CMIP: variants seen among roughly 807,000 people sequenced by gnomAD.
CMIP encodes c-Maf inducing protein, also known as C-Maf-inducing protein.
Under a neutral mutation model 97.3 loss-of-function variants are expected in CMIP, and 13 were observed. That is an observed-to-expected ratio of 0.13 (90% CI 0.09 to 0.21). The LOEUF (loss-of-function observed/expected upper bound fraction) is 0.21. Ranked by LOEUF, CMIP falls within the 10% of genes least tolerant of loss-of-function variation. CMIP has a pLI of 1.00. For missense variants in CMIP, 847 were observed against 1,024.9 expected, an observed-to-expected ratio of 0.83 and a Z score of 2.37; for synonymous variants, 538 against 436.3, an observed-to-expected ratio of 1.23 and a Z score of -2.91.
chr16:81,562,328 A>G (rs1319821003), intron 1 of CMIP, among the ~76,000 whole-genome samples: 9 of 152,222 alleles, frequency 5.9e-5, no homozygotes, highest in Non-Finnish European at 1.2e-4. Flanking sequence ...AGGAGCCAGG[A>G]TTCAAATCTG....
intron 1 of CMIP, among the ~76,000 whole-genome samples, chr16:81,512,684 G>A (rs1191269194): frequency 6.6e-6 from 1 of 151,768 alleles, no homozygotes; most frequent in Non-Finnish European, 1.5e-5. Context: ...ATTTATATTT[G>A]ATGAATTTCT....
intron 1 of CMIP, among the ~76,000 whole-genome samples, chr16:81,496,051 G>A (rs769108121): frequency 2.0e-5 from 3 of 152,186 alleles, no homozygotes; most frequent in East Asian, 1.9e-4. Flanking sequence ...GCCAGGGACC[G>A]AGGGTGGGGC....
intron 1 of CMIP, among the ~76,000 whole-genome samples, chr16:81,547,186 A>G (rs2090563829): frequency 6.6e-6 from 1 of 152,142 alleles, no homozygotes; most frequent in Non-Finnish European, 1.5e-5. Flanking sequence ...GGGATAGCAT[A>G]TCTGGTAGAG....
rs76858518 is a variant in CMIP, at chr16:81,479,975, G to A, written c.300+34434G>A. Among the ~76,000 whole-genome samples, 1,497 of 152,306 alleles carry A rather than the reference G, an allele frequency of 9.8e-3. 35 individuals carry two copies. Among genetic ancestry groups the A allele is most frequent in the African/African-American group, 0.034 (1,414 of 41,558 alleles). ...TTGTGCCAGGTCCACATAAGCATGT[G>A]TGGTTCTCAGCCCTGGCCGCACAAT... is the stretch of plus-strand genomic sequence containing the variant. On this transcript the variant is annotated intron_variant, in intron 1 of 20. Coordinates refer to ENST00000537098, the MANE Select transcript of CMIP (RefSeq NM_198390.3).
At chr16:81,561,423 TG>T (rs2090881226) in intron 1 of CMIP, among the ~76,000 whole-genome samples, 1 of 151,856 alleles carries the variant, frequency 6.6e-6, no homozygotes, top group Non-Finnish European at 1.5e-5. Context: ...AGCAGATGTG[TG>T]GTGGAGGGAA....
At chr16:81,552,831 C>T (rs1263017937) in intron 1 of CMIP, among the ~76,000 whole-genome samples, 4 of 152,204 alleles carry the variant, frequency 2.6e-5, no homozygotes, top group African/African-American at 4.8e-5. Context: ...CTCTCTCTTT[C>T]TCTGGCTTTG....
intron 1 of CMIP, among the ~76,000 whole-genome samples, chr16:81,516,687 C>G (rs1344205155): frequency 6.6e-6 from 1 of 152,316 alleles, no homozygotes; most frequent in African/African-American, 2.4e-5. Context: ...TGTCTGCAGC[C>G]AAACTGTGGG....
intron 1 of CMIP, among the ~76,000 whole-genome samples, chr16:81,471,423 T>C (rs1374506890): frequency 6.6e-6 from 1 of 152,128 alleles, no homozygotes; most frequent in African/African-American, 2.4e-5. Context: ...CACATACATG[T>C]ACATGCACAT....
intron 1 of CMIP, among the ~76,000 whole-genome samples, chr16:81,598,280 G>T (rs952471406): frequency 9.2e-5 from 14 of 152,012 alleles, no homozygotes; most frequent in Non-Finnish European, 2.1e-4. Context: ...GGAGGGTATC[G>T]CCTACAACAG....
chr16:81,669,647 TCACA>T (rs926177885), intron 7 of CMIP, among the ~76,000 whole-genome samples: 2 of 112,782 alleles, frequency 1.8e-5, no homozygotes, highest in Admixed American at 8.9e-5. Flanking sequence ...CACACCCACC[TCACA>T]CCTTCCACAC....
chr16:81,701,828 C>G lies in CMIP; in HGVS notation c.1896+28C>G, dbSNP rs1167823409. ...GAGTCCCCGGCTGCTCCGGACCACT[C>G]CCCTGCCCAGCAGGCCAGGGGGGGC... On this transcript the variant is annotated intron_variant, in intron 16 of 20. Transcript: ENST00000537098. 6 of 1,612,260 alleles carry G rather than the reference C, an allele frequency of 3.7e-6. No homozygotes were observed. In the East Asian group the frequency reaches 1.3e-4, roughly 36 times the overall value.
chr16:81,540,667 TG>T (rs1567568292), intron 1 of CMIP, among the ~76,000 whole-genome samples: 1 of 151,178 alleles, frequency 6.6e-6, no homozygotes, highest in African/African-American at 2.4e-5. Context: ...TGTGTGTGTG[TG>T]TGTGTGTGTG....
rs934005108 is a variant in CMIP, at chr16:81,689,220, A to G, written c.1389-2555A>G. ...ATGGTATTTCTAGTTCTAGATCCTC[A>G]AGGCATCTCCACACTGTCTTCCACA... On this transcript the variant is annotated intron_variant, in intron 10 of 20. Coordinates refer to ENST00000537098, the MANE Select transcript of CMIP (RefSeq NM_198390.3). Among the ~76,000 whole-genome samples, 6 of 152,314 alleles carry G rather than the reference A, an allele frequency of 3.9e-5. No individual in the cohort carries two copies. In the South Asian group the frequency reaches 8.3e-4, roughly 21 times the overall value.
At chr16:81,589,922 GC>G (rs2091441715) in intron 1 of CMIP, among the ~76,000 whole-genome samples, 1 of 152,230 alleles carries the variant, frequency 6.6e-6, no homozygotes, top group South Asian at 2.1e-4. Context: ...GCCGGCGTCA[GC>G]CCTGGGTCCC....
At chr16:81,524,281 G>T (rs886492659) in intron 1 of CMIP, among the ~76,000 whole-genome samples, 1 of 152,218 alleles carries the variant, frequency 6.6e-6, no homozygotes, top group Non-Finnish European at 1.5e-5. Context: ...TGGGCTCTGG[G>T]GGTAACATGG....
At chr16:81,671,417 T>C (rs997223400) in intron 8 of CMIP, among the ~76,000 whole-genome samples, 2 of 152,242 alleles carry the variant, frequency 1.3e-5, no homozygotes, top group South Asian at 4.1e-4. Flanking sequence ...TGGCACTTAT[T>C]GAGGACTTAG....
In CMIP at chr16:81,500,625, A is replaced by AC. The variant is rs1378415423; in HGVS notation, c.300+55085dup. ...TGCCTCAGCCTCCTGAGTAGCTGGG[A>AC]CTACAGGCGCGTGCCACCACATCCA... On this transcript the variant is annotated intron_variant, in intron 1 of 20. Coordinates refer to ENST00000537098, the MANE Select transcript of CMIP (RefSeq NM_198390.3). Among the ~76,000 whole-genome samples, 6 of 151,570 alleles carry AC rather than the reference A, an allele frequency of 4.0e-5. No homozygotes were observed. The East Asian group carries it at 1.2e-3, about 30-fold the overall frequency.
rs1196684550 is a variant in CMIP at position 81,485,357 on chromosome 16, A to G, written c.300+39816A>G. ...GTTGTCTAGCTCACTCATCCGAGCTATTTCTACCTTTTGTTTTCTTTGAGC... is the reference window on the plus strand; with the variant it reads ...GTTGTCTAGCTCACTCATCCGAGCTGTTTCTACCTTTTGTTTTCTTTGAGC... On this transcript the variant is annotated intron_variant, in intron 1 of 20. Coordinates refer to ENST00000537098, the MANE Select transcript of CMIP (RefSeq NM_198390.3). Among the ~76,000 whole-genome samples the G allele has an allele frequency of 3.9e-5, 6 of 152,154 alleles. No homozygotes were observed. In the East Asian group the frequency reaches 1.2e-3, roughly 29 times the overall value.
intron 1 of CMIP, among the ~76,000 whole-genome samples, chr16:81,457,341 C>T (rs1906614844): frequency 1.3e-5 from 2 of 152,050 alleles, no homozygotes; most frequent in Non-Finnish European, 2.9e-5. Flanking sequence ...AAACTGAAGC[C>T]ATCATACAGG....
Sources: allele counts gnomAD v4.1 joint callset (sites outside exome capture counted in the v4.1 genomes callset), GRCh38; gene constraint gnomAD v4.1.1; transcripts MANE v1.5; gene names NCBI Gene and HGNC (gene_info 2026-07-23, HGNC 2026-07-21).